The following REDIC1 variants were observed in gnomAD, a reference collection of about 807,000 sequenced individuals.
The protein encoded by REDIC1 is regulator of DNA class I crossover intermediates 1, also known as HEI10 Interacting Protein 1.
At chr12:39,882,206 G>C in the REDIC1 span, among the ~76,000 whole-genome samples, 1 of 152,070 alleles carries the variant, frequency 6.6e-6, no homozygotes, top group African/African-American at 2.4e-5. Context: ...AGATATTGGT[G>C]TGCTACAGGA....
At chr12:39,712,036 A>ATATACCTACCTGTATGTATT in the REDIC1 span, among the ~76,000 whole-genome samples, 7 of 142,478 alleles carry the variant, frequency 4.9e-5, no homozygotes, top group African/African-American at 1.8e-4. Context: ...ATACATGTAT[A>ATATACCTACCTGTATGTATT]TATACCTACC....
chr12:39,859,636 C>T, the REDIC1 span, among the ~76,000 whole-genome samples: 1 of 152,178 alleles, frequency 6.6e-6, no homozygotes, highest in African/African-American at 2.4e-5. Flanking sequence ...GATTCTCCTG[C>T]CTCAGCTTCC....
the REDIC1 span, chr12:39,716,838 G>C: frequency 6.3e-7 from 1 of 1,580,416 alleles, no homozygotes; most frequent in Admixed American, 1.8e-5. Flanking sequence ...GTTCAGATTT[G>C]GTAAGTGATG....
chr12:39,677,446 C>G, the REDIC1 span, among the ~76,000 whole-genome samples: 1 of 152,024 alleles, frequency 6.6e-6, no homozygotes, highest in African/African-American at 2.4e-5. Flanking sequence ...ATTTATAAAA[C>G]AATTACCACT....
the REDIC1 span, chr12:39,684,059 C>G: frequency 2.6e-6 from 2 of 772,746 alleles, no homozygotes; most frequent in Middle Eastern, 3.3e-4. Flanking sequence ...AGATTACAAT[C>G]TCCTCTACCC....
At chr12:39,889,737 G>C in the REDIC1 span, among the ~76,000 whole-genome samples, 1 of 151,772 alleles carries the variant, frequency 6.6e-6, no homozygotes, top group African/African-American at 2.4e-5. Context: ...TCACCATGTT[G>C]GCCAGGATGG....
At chr12:39,713,705 A>T in the REDIC1 span, among the ~76,000 whole-genome samples, 1 of 144,994 alleles carries the variant, frequency 6.9e-6, no homozygotes, top group Non-Finnish European at 1.5e-5. Flanking sequence ...GTATATACAT[A>T]TTTATGTATG....
the REDIC1 span, among the ~76,000 whole-genome samples, chr12:39,752,834 T>G: frequency 6.6e-6 from 1 of 151,434 alleles, no homozygotes; most frequent in African/African-American, 2.5e-5. Context: ...AGCTCACCAT[T>G]TAAAAGAACA....
chr12:39,854,532 C>G, the REDIC1 span, among the ~76,000 whole-genome samples: 3 of 152,140 alleles, frequency 2.0e-5, no homozygotes, highest in Non-Finnish European at 2.9e-5. Flanking sequence ...CCAAAAATAG[C>G]TTTGTCTTCA....
the REDIC1 span, among the ~76,000 whole-genome samples, chr12:39,644,609 A>AT: frequency 3.3e-5 from 5 of 151,670 alleles, no homozygotes; most frequent in East Asian, 3.9e-4. Context: ...TTTCTCCGTC[A>AT]TTTTTTTTCT....
At chr12:39,726,563 T>C in the REDIC1 span, among the ~76,000 whole-genome samples, 9 of 152,196 alleles carry the variant, frequency 5.9e-5, no homozygotes, top group Admixed American at 4.6e-4. Context: ...CAGTCTATCA[T>C]TGATGGGCAT....
At chr12:39,846,149 C>T in the REDIC1 span, among the ~76,000 whole-genome samples, 2 of 152,142 alleles carry the variant, frequency 1.3e-5, no homozygotes, top group Non-Finnish European at 2.9e-5. Flanking sequence ...ACTATGCTCA[C>T]ATTCAGAACC....
the REDIC1 span, among the ~76,000 whole-genome samples, chr12:39,712,193 CATACATATATACAT>C: frequency 2.4e-3 from 29 of 11,948 alleles, no homozygotes; most frequent in Admixed American, 8.3e-3. Context: ...TGTATATGTA[CATACATATATACAT>C]ATGTATATAT....
At chr12:39,858,595 T>C in the REDIC1 span, among the ~76,000 whole-genome samples, 4 of 152,128 alleles carry the variant, frequency 2.6e-5, no homozygotes, top group Admixed American at 1.3e-4. Context: ...CTAATAGGGT[T>C]TTTACACATT....
chr12:39,806,623 C>G, the REDIC1 span, among the ~76,000 whole-genome samples: 1 of 152,138 alleles, frequency 6.6e-6, no homozygotes, highest in Non-Finnish European at 1.5e-5. Flanking sequence ...ACAACTTCTT[C>G]AAGCAAACTT....
the REDIC1 span, among the ~76,000 whole-genome samples, chr12:39,644,732 A>G: frequency 1.3e-5 from 2 of 151,844 alleles, no homozygotes; most frequent in Non-Finnish European, 2.9e-5. Flanking sequence ...TTTTTGATGT[A>G]TTTACCTTTA....
chr12:39,712,055 T>TATATACCTACCTGTATGTAG, the REDIC1 span, among the ~76,000 whole-genome samples: 1 of 143,390 alleles, frequency 7.0e-6, no homozygotes, highest in African/African-American at 2.5e-5. Context: ...CCTGTATGTA[T>TATATACCTACCTGTATGTAG]ATATACATGT....
At chr12:39,880,449 A>T in the REDIC1 span, among the ~76,000 whole-genome samples, 1 of 152,214 alleles carries the variant, frequency 6.6e-6, no homozygotes, top group Admixed American at 6.5e-5. Flanking sequence ...GCCAAAATTA[A>T]AAGTTAGAAA....
At chr12:39,646,101 TAA>T in the REDIC1 span, among the ~76,000 whole-genome samples, 1 of 152,038 alleles carries the variant, frequency 6.6e-6, no homozygotes, top group South Asian at 2.1e-4. Flanking sequence ...AAAGTAGAAC[TAA>T]ATTAATAGGG....
Sources: gnomAD v4.1 joint callset for allele counts (sites outside exome capture counted in the v4.1 genomes callset) on GRCh38, gnomAD v4.1.1 for gene constraint, MANE v1.5 for transcripts, NCBI Gene and HGNC (gene_info 2026-07-23, HGNC 2026-07-21) for gene names.